Variants in RPH3A observed in about 807,000 individuals in gnomAD.
RPH3A encodes the protein rabphilin-3A.
RPH3A carries 48 observed loss-of-function variants against 102.2 expected under a neutral mutation model. The ratio of observed to expected loss-of-function variants is 0.47; its 90% confidence interval spans 0.37 to 0.60. RPH3A has a LOEUF of 0.60. Among genes scored for constraint, RPH3A ranks in the 20% least tolerant of loss-of-function variants. The pLI is 0.00. For missense variants in RPH3A, 781 were observed against 910.1 expected, an observed-to-expected ratio of 0.86 and a Z score of 1.83; for synonymous variants, 310 against 324.3, an observed-to-expected ratio of 0.96 and a Z score of 0.47.
Position 112,847,847 on chromosome 12 carries a change from G to A in RPH3A, c.230+5G>A. 2 of 1,613,734 alleles carry A rather than the reference G, an allele frequency of 1.2e-6. No homozygotes were observed. Among genetic ancestry groups the A allele is most frequent in the Non-Finnish European group, 1.7e-6 (2 of 1,179,832 alleles). The stretch of plus-strand genomic sequence containing the variant: ...GATGGAGCAGGAGCGAATCGGGTGA[G>A]GCTTAACGCTTCCCATTCACCCCAG... On this transcript the variant is annotated splice_donor_5th_base_variant and intron_variant, in intron 5 of 21. Coordinates refer to ENST00000389385, the MANE Select transcript of RPH3A (RefSeq NM_001143854.2).
chr12:112,854,812 A>T (rs1013365375), intron 5 of RPH3A, among the ~76,000 whole-genome samples: 2 of 152,242 alleles, frequency 1.3e-5, no homozygotes, highest in Non-Finnish European at 2.9e-5. Context: ...CCAGACTTTG[A>T]ACTTGAATCT....
At chr12:112,677,226 A>C (rs2040181439) in intron 1 of RPH3A, among the ~76,000 whole-genome samples, 1 of 152,200 alleles carries the variant, frequency 6.6e-6, no homozygotes, top group Non-Finnish European at 1.5e-5. Context: ...AACAGGACCC[A>C]GCTCTCATCA....
chr12:112,636,265 C>T (rs2039847982), intron 1 of RPH3A, among the ~76,000 whole-genome samples: 1 of 152,170 alleles, frequency 6.6e-6, no homozygotes, highest in African/African-American at 2.4e-5. Flanking sequence ...CCTTTAAAAA[C>T]AGGACCCAGA....
chr12:112,710,722 C>T (rs1592956243), intron 1 of RPH3A, among the ~76,000 whole-genome samples: 2 of 152,322 alleles, frequency 1.3e-5, no homozygotes, highest in African/African-American at 4.8e-5. Flanking sequence ...GTAAAGAAGT[C>T]ATTATAAATT....
intron 18 of RPH3A, 35 bp from the exon 19 acceptor site, chr12:112,890,814 C>T (rs767882037): frequency 1.2e-6 from 2 of 1,605,898 alleles, no homozygotes; most frequent in African/African-American, 1.3e-5. Context: ...GCCCCCTCCC[C>T]TCCAAGGCCC....
chr12:112,810,077 C>G (rs1565893783), intron 2 of RPH3A, among the ~76,000 whole-genome samples: 2 of 152,194 alleles, frequency 1.3e-5, no homozygotes, highest in Non-Finnish European at 2.9e-5. Context: ...TTTCAGCTTC[C>G]TTTCTCGATT....
At chr12:112,868,786 G>A (rs1201453766) in intron 8 of RPH3A, 191 bp downstream of exon 8, 1 of 568,554 alleles carries the variant, frequency 1.8e-6, no homozygotes, top group Non-Finnish European at 3.0e-6. Context: ...GTAGCACAGG[G>A]AACTCTCCAG....
At chr12:112,756,028 C>T (rs368669746) in intron 1 of RPH3A, among the ~76,000 whole-genome samples, 24 of 151,848 alleles carry the variant, frequency 1.6e-4, no homozygotes, top group East Asian at 5.8e-4. Context: ...GAAATAAGTG[C>T]GAAGAAATAT....
chr12:112,733,532 A>G (rs1010787378), intron 1 of RPH3A, among the ~76,000 whole-genome samples: 4 of 152,162 alleles, frequency 2.6e-5, no homozygotes, highest in Non-Finnish European at 5.9e-5. Flanking sequence ...GGGAGCTCCC[A>G]TCAAAAGACA....
intron 14 of RPH3A, among the ~76,000 whole-genome samples, chr12:112,879,689 G>A (rs2042873050): frequency 6.6e-6 from 1 of 152,218 alleles, no homozygotes; most frequent in Non-Finnish European, 1.5e-5. Flanking sequence ...AGGCCCTGGG[G>A]GAGTGAGCTG....
At chr12:112,803,396 A>T (rs918744980) in intron 2 of RPH3A, among the ~76,000 whole-genome samples, 1 of 152,042 alleles carries the variant, frequency 6.6e-6, no homozygotes, top group Non-Finnish European at 1.5e-5. Context: ...GTGCTTCTTC[A>T]TGGAGTCACA....
chr12:112,813,143 G>A (rs116791896), intron 2 of RPH3A, among the ~76,000 whole-genome samples: 318 of 152,312 alleles, frequency 2.1e-3, no homozygotes, highest in African/African-American at 7.4e-3. Context: ...CAACTAGAAA[G>A]AGGCAGAGTG....
At chr12:112,645,849 G>A (rs774948251) in intron 1 of RPH3A, among the ~76,000 whole-genome samples, 20 of 152,160 alleles carry the variant, frequency 1.3e-4, no homozygotes, top group South Asian at 2.1e-4. Context: ...AGAGCAGACA[G>A]CCGGTAGACA....
chr12:112,690,047 G>A (rs907116080), intron 1 of RPH3A, among the ~76,000 whole-genome samples: 3 of 152,180 alleles, frequency 2.0e-5, no homozygotes, highest in African/African-American at 7.2e-5. Context: ...TTCCAAAAAT[G>A]TAAGAAGTAC....
intron 2 of RPH3A, among the ~76,000 whole-genome samples, chr12:112,810,839 G>A (rs1330112503): frequency 6.6e-6 from 1 of 152,030 alleles, no homozygotes; most frequent in Non-Finnish European, 1.5e-5. Context: ...AAGTGAAACT[G>A]TAAAAATGCC....
At chr12:112,784,020 ATC>A (rs1028919237) in intron 1 of RPH3A, among the ~76,000 whole-genome samples, 1 of 152,080 alleles carries the variant, frequency 6.6e-6, no homozygotes, top group Non-Finnish European at 1.5e-5. Context: ...CTGGAAATAG[ATC>A]TCTCTCTCTT....
At chr12:112,823,645 T>C (rs541066704) in intron 2 of RPH3A, among the ~76,000 whole-genome samples, 1 of 152,336 alleles carries the variant, frequency 6.6e-6, no homozygotes, top group Admixed American at 6.5e-5. Flanking sequence ...GTACTATTTA[T>C]GTGACACTTA....
In RPH3A at chr12:112,589,018, G is replaced by C. The variant is rs192308395; in HGVS notation, c.-140+13699G>C. Among the ~76,000 whole-genome samples, 168 of 152,188 alleles carry C rather than the reference G, an allele frequency of 1.1e-3. 2 individuals carry two copies. The highest frequency in any genetic ancestry group is 3.9e-4 in the East Asian group (2 of 5,188). ...AAAGGAGTGGGATTCTTGGGGGAAGGGGGGAGAGTGTTCCAGGCAGAGGAA... is the reference window on the plus strand; with the variant it reads ...AAAGGAGTGGGATTCTTGGGGGAAGCGGGGAGAGTGTTCCAGGCAGAGGAA... On this transcript the variant is annotated intron_variant, in intron 1 of 21. Coordinates refer to the RPH3A transcript ENST00000543106.
At chr12:112,840,779 G>A (rs578058054) in intron 4 of RPH3A, among the ~76,000 whole-genome samples, 1 of 152,198 alleles carries the variant, frequency 6.6e-6, no homozygotes, top group South Asian at 2.1e-4. Flanking sequence ...TCGGGTAGGG[G>A]CATACAACCA....
Sources: gnomAD v4.1 joint callset for allele counts (sites outside exome capture counted in the v4.1 genomes callset) on GRCh38, gnomAD v4.1.1 for gene constraint, MANE v1.5 for transcripts, NCBI Gene and HGNC (gene_info 2026-07-23, HGNC 2026-07-21) for gene names.